ANKRD22: variants seen among roughly 807,000 people sequenced by gnomAD.
ANKRD22 encodes the protein ankyrin repeat domain-containing protein 22.
In ANKRD22, 24 loss-of-function variants were observed where a neutral mutation model predicts 25.7. The observed-to-expected ratio is 0.93, with a 90% CI of 0.68 to 1.31. The LOEUF (loss-of-function observed/expected upper bound fraction) is 1.31. Among genes scored for constraint, ANKRD22 ranks in the 50% most tolerant of loss-of-function variants. The pLI is 0.00. For synonymous variants in ANKRD22, 84 were observed against 84.3 expected (o/e 1.00, Z 0.02); for missense variants, 214 against 227.1 (o/e 0.94, Z 0.37).
chr10:88,832,034 G>A lies in ANKRD22; in HGVS notation c.22-8C>T, dbSNP rs201805869. On this transcript the variant is annotated splice_polypyrimidine_tract_variant and splice_region_variant and intron_variant, in intron 1 of 5. Coordinates refer to ENST00000371930, the MANE Select transcript of ANKRD22 (RefSeq NM_144590.3). The stretch of plus-strand genomic sequence containing the variant: ...GGCTGCTTGGCAGATGGGCTGGGTC[G>A]GGAAAAACAAAAGCAGGTTTTGAAA... 1.5e-4 allele frequency: 234 copies of A among 1,581,732 alleles called. No homozygotes were observed. Among genetic ancestry groups the A allele is most frequent in the Middle Eastern group, 3.6e-4 (2 of 5,602 alleles).
intron 1 of ANKRD22, among the ~76,000 whole-genome samples, chr10:88,837,737 T>A (rs1488626957): frequency 1.1e-4 from 17 of 152,188 alleles, no homozygotes. Context: ...AGGGACCCAG[T>A]GGGAAGTAAT....
At position 88,847,461 on chromosome 10, in the gene ANKRD22, G is replaced by C. The variant is rs188349734; in HGVS notation, c.21+4126C>G. ...TTTAGTAGAGACAGGGTTTCACCTT[G>C]TTGGCCAGGCTGGTCTCAAACTCCC... On this transcript the variant is annotated intron_variant, in intron 1 of 5. Coordinates refer to ENST00000371930, the MANE Select transcript of ANKRD22 (RefSeq NM_144590.3). Among the ~76,000 whole-genome samples the C allele has an allele frequency of 1.5e-3, 227 of 152,134 alleles. 2 individuals carry two copies. The highest frequency in any genetic ancestry group is 5.3e-3 in the African/African-American group (220 of 41,510).
rs1028585433 is a variant in ANKRD22, at chr10:88,851,736, A to G, written c.-129T>C. 7.6e-6 allele frequency: 8 copies of G among 1,051,956 alleles called. No homozygotes were observed. Among genetic ancestry groups the G allele is most frequent in the Non-Finnish European group, 1.2e-5 (8 of 686,760 alleles). 65.2% of individuals were successfully genotyped at this position (1,051,956 alleles called of 1,614,324 possible). ...GAAGTCCAAGCTGGTGGCAAGCTCC[A>G]GGAGTGCTTTTCTAGCAAACACCTG... On this transcript the variant is annotated 5_prime_UTR_variant, in exon 1 of 6. Transcript: ENST00000371930.
chr10:88,825,229 TG>T (rs1462220523), intron 4 of ANKRD22, among the ~76,000 whole-genome samples: 1 of 152,268 alleles, frequency 6.6e-6, no homozygotes, highest in African/African-American at 2.4e-5. Flanking sequence ...AATTTCCACT[TG>T]CCTACTTTTT....
In ANKRD22 at chr10:88,820,299, A is replaced by C; in HGVS notation, c.*2642T>G. On this transcript the variant is annotated 3_prime_UTR_variant, in exon 6 of 6. Coordinates refer to ENST00000371930, the MANE Select transcript of ANKRD22 (RefSeq NM_144590.3). ...ACAGCAATGTGGACAGGAGGTCAGG[A>C]CTGGCTTTCAAATCCAGAAGACGTG... 6.4e-7 allele frequency: 1 copy of C among 1,552,098 alleles called. No individual in the cohort carries two copies. The highest frequency in any genetic ancestry group is 1.2e-5 in the South Asian group (1 of 84,064).
Position 88,823,260 on chromosome 10 carries a change from C to T in ANKRD22, c.498+20G>A. 1.3e-6 allele frequency: 2 copies of T among 1,595,150 alleles called. No individual in the cohort carries two copies. The highest frequency in any genetic ancestry group is 1.7e-6 in the Non-Finnish European group (2 of 1,162,938). On this transcript the variant is annotated intron_variant, in intron 5 of 5. Transcript: ENST00000371930. ...TGCTGCTGCTAGAGGAACCTCAGACCACGGTCCACCCTCCCTTACCTTATT... is the reference window on the plus strand; with the variant it reads ...TGCTGCTGCTAGAGGAACCTCAGACTACGGTCCACCCTCCCTTACCTTATT...
In ANKRD22 at chr10:88,831,210, C is replaced by T. The variant is rs142573595; in HGVS notation, c.213+625G>A. 2.8e-3 allele frequency among the ~76,000 whole-genome samples: 434 copies of T among 152,324 alleles called. 2 individuals are homozygous for T. Among genetic ancestry groups the T allele is most frequent in the African/African-American group, 9.7e-3 (402 of 41,562 alleles). ...GCAAATGCTAGATGTTCAGAAAGGG[C>T]TCCACAAGGATTTTCACAGCAATAC... On this transcript the variant is annotated intron_variant, in intron 2 of 5. Coordinates refer to ENST00000371930, the MANE Select transcript of ANKRD22 (RefSeq NM_144590.3).
Position 88,820,517 on chromosome 10 carries a change from CGAT to C in ANKRD22, c.*2421_*2423del, listed in dbSNP as rs1564600497. 2.6e-6 allele frequency: 4 copies of C among 1,544,680 alleles called. No homozygotes were observed. The highest frequency in any genetic ancestry group is 3.5e-6 in the Non-Finnish European group (4 of 1,144,734). On this transcript the variant is annotated 3_prime_UTR_variant, in exon 6 of 6. Transcript: ENST00000371930. ...CGTATTGTGAAGCATCTGACACTGACGATCTTAGGACAACCTCCTGAGGGATGG... is the reference window on the plus strand; with the variant it reads ...CGTATTGTGAAGCATCTGACACTGACCTTAGGACAACCTCCTGAGGGATGG...
intron 1 of ANKRD22, among the ~76,000 whole-genome samples, chr10:88,832,972 T>A (rs1474386675): frequency 1.3e-5 from 2 of 152,184 alleles, no homozygotes; most frequent in Non-Finnish European, 2.9e-5. Context: ...TCACCCTTCA[T>A]GTCATAATTT....
At position 88,841,237 on chromosome 10, in the gene ANKRD22, G is replaced by A. The variant is rs373626305; in HGVS notation, c.22-9211C>T. Among the ~76,000 whole-genome samples, 4 of 152,056 alleles carry A rather than the reference G, an allele frequency of 2.6e-5. No individual in the cohort carries two copies. In the East Asian group the frequency reaches 5.8e-4, roughly 22 times the overall value. On this transcript the variant is annotated intron_variant, in intron 1 of 5. Coordinates refer to ENST00000371930, the MANE Select transcript of ANKRD22 (RefSeq NM_144590.3). ...TAAGGGTGGAGGAAGAGTGGGTTCTGGCTGCTAGAAAATGGCAAATCAGAA... is the reference window on the plus strand; with the variant it reads ...TAAGGGTGGAGGAAGAGTGGGTTCTAGCTGCTAGAAAATGGCAAATCAGAA...
At chr10:88,843,391 C>T (rs1374533313) in intron 1 of ANKRD22, among the ~76,000 whole-genome samples, 1 of 152,100 alleles carries the variant, frequency 6.6e-6, no homozygotes, top group Non-Finnish European at 1.5e-5. Flanking sequence ...TGCTAAAATC[C>T]CCTTTCAAAT....
At chr10:88,823,814 C>G (rs1167581820) in intron 4 of ANKRD22, among the ~76,000 whole-genome samples, 34 of 111,388 alleles carry the variant, frequency 3.1e-4, no homozygotes, top group Non-Finnish European at 4.4e-4. Context: ...GGCGACAGAG[C>G]GAGACTCCGT....
intron 1 of ANKRD22, among the ~76,000 whole-genome samples, chr10:88,838,889 T>C (rs1235102096): frequency 6.6e-6 from 1 of 152,080 alleles, no homozygotes; most frequent in Non-Finnish European, 1.5e-5. Context: ...AACAGACTAG[T>C]AGGCGAGGAG....
chr10:88,841,160 G>A (rs749985464), intron 1 of ANKRD22, among the ~76,000 whole-genome samples: 1 of 152,118 alleles, frequency 6.6e-6, no homozygotes, highest in Non-Finnish European at 1.5e-5. Context: ...CAGAAACTCT[G>A]AGGTCATGAG....
At chr10:88,827,732 T>C (rs1215033481) in intron 3 of ANKRD22, among the ~76,000 whole-genome samples, 2 of 152,232 alleles carry the variant, frequency 1.3e-5, no homozygotes, top group African/African-American at 4.8e-5. Flanking sequence ...TAATAACATT[T>C]TTGACGGGCA....
At chr10:88,825,037 A>T (rs1843841081) in intron 4 of ANKRD22, among the ~76,000 whole-genome samples, 1 of 151,750 alleles carries the variant, frequency 6.6e-6, no homozygotes, top group Admixed American at 6.6e-5. Context: ...ACACACACAC[A>T]CACACAACTG....
intron 1 of ANKRD22, among the ~76,000 whole-genome samples, chr10:88,844,744 A>G (rs1844032935): frequency 6.6e-6 from 1 of 152,174 alleles, no homozygotes. Flanking sequence ...GTTGATTAAA[A>G]AAAAGCCACA....
chr10:88,820,158 T>C lies in ANKRD22; in HGVS notation c.*2783A>G. ...CACAACAGATGGCATGTTTATTATG[T>C]CTATTTGAAACATAAATTATGAGCC... is the stretch of plus-strand genomic sequence containing the variant. On this transcript the variant is annotated 3_prime_UTR_variant, in exon 6 of 6. Coordinates refer to ENST00000371930, the MANE Select transcript of ANKRD22 (RefSeq NM_144590.3). The C allele has an allele frequency of 8.1e-7, 1 of 1,230,476 alleles. No homozygotes were observed. Among genetic ancestry groups the C allele is most frequent in the Non-Finnish European group, 1.1e-6 (1 of 893,960 alleles). 76.2% of individuals were successfully genotyped at this position (1,230,476 alleles called of 1,614,324 possible).
chr10:88,824,701 A>T (rs905628764), intron 4 of ANKRD22, among the ~76,000 whole-genome samples: 1 of 151,642 alleles, frequency 6.6e-6, no homozygotes, highest in Non-Finnish European at 1.5e-5. Context: ...TAGCTGAAGG[A>T]ATGCAATATC....
Sources: gnomAD v4.1 joint callset for allele counts (sites outside exome capture counted in the v4.1 genomes callset) on GRCh38, gnomAD v4.1.1 for gene constraint, MANE v1.5 for transcripts, NCBI Gene and HGNC (gene_info 2026-07-23, HGNC 2026-07-21) for gene names.